Variants in GOLGA4 observed in about 807,000 individuals in gnomAD.
GOLGA4 encodes the protein golgin A4.
Under a neutral mutation model 265.9 loss-of-function variants are expected in GOLGA4, and 169 were observed. That is an observed-to-expected ratio of 0.64 (90% confidence interval 0.56 to 0.72). GOLGA4 has a LOEUF of 0.72. Among genes scored for constraint, GOLGA4 ranks in the 30% least tolerant of loss-of-function variants. GOLGA4 has a pLI of 0.00. For synonymous variants in GOLGA4, 923 were observed against 855.8 expected, an observed-to-expected ratio of 1.08 and a Z score of -1.37; for missense variants, 2,482 against 2,483.4, an observed-to-expected ratio of 1.00 and a Z score of 0.01.
rs1559443660 is a variant in GOLGA4, at chr3:37,329,098, GTACC to G, written c.6192+7_6192+10del. ...AGATATGAAGAAATCCTTGATGTTT[GTACC>G]TTATTTCTTCTCTCTCACTTTTGAA... On this transcript the variant is annotated splice_donor_region_variant and intron_variant, in intron 16 of 23. Coordinates refer to ENST00000361924, the MANE Select transcript of GOLGA4 (RefSeq NM_002078.5). 4 of 1,589,546 alleles carry G rather than the reference GTACC, an allele frequency of 2.5e-6. No individual in the cohort carries two copies. Among genetic ancestry groups the G allele is most frequent in the Non-Finnish European group, 3.4e-6 (4 of 1,170,100 alleles).
intron 10 of GOLGA4, among the ~76,000 whole-genome samples, chr3:37,305,447 TAAACA>T (rs2096903589): frequency 6.6e-6 from 1 of 152,214 alleles, no homozygotes; most frequent in Non-Finnish European, 1.5e-5. Context: ...TAGTTGAGTC[TAAACA>T]GAACTGTTCA....
At chr3:37,321,065 A>C (rs2096953583) in intron 12 of GOLGA4, among the ~76,000 whole-genome samples, 1 of 152,210 alleles carries the variant, frequency 6.6e-6, no homozygotes, top group Non-Finnish European at 1.5e-5. Flanking sequence ...GGATAAGTAC[A>C]CTTGTCTTAA....
At chr3:37,252,682 G>C (rs1210734342) in intron 2 of GOLGA4, among the ~76,000 whole-genome samples, 1 of 152,056 alleles carries the variant, frequency 6.6e-6, no homozygotes, top group Non-Finnish European at 1.5e-5. Flanking sequence ...CAGCTGTTCT[G>C]GTGGTGGTCT....
In GOLGA4 at chr3:37,299,037, G is replaced by GT; in HGVS notation, c.1002+21dup. The GT allele has an allele frequency of 6.4e-7, 1 of 1,562,354 alleles. No homozygotes were observed. Among genetic ancestry groups the GT allele is most frequent in the Non-Finnish European group, 8.7e-7 (1 of 1,155,412 alleles). ...AAGATAAAGGTAAAAGAGCAGATGA[G>GT]TTTTGTTCTAATTTAATCTATAAAG... On this transcript the variant is annotated intron_variant, in intron 8 of 23. Transcript: ENST00000361924.
At chr3:37,328,297 CTCT>C in intron 14 of GOLGA4, 116 bp from the exon 15 acceptor site, 1 of 889,732 alleles carries the variant, frequency 1.1e-6, no homozygotes, top group Non-Finnish European at 1.8e-6. Flanking sequence ...CTCTCTCTCT[CTCT>C]CAAAAATGTT....
intron 9 of GOLGA4, among the ~76,000 whole-genome samples, 177 bp from the exon 10 acceptor site, chr3:37,302,008 C>T (rs181506133): frequency 6.6e-6 from 1 of 152,132 alleles, no homozygotes; most frequent in African/African-American, 2.4e-5. Flanking sequence ...AGGCTGGTCT[C>T]GAACTCCTGA....
Position 37,345,796 on chromosome 3 carries a change from A to G in GOLGA4, c.6473-1397A>G, listed in dbSNP as rs192067919. 2.6e-3 allele frequency among the ~76,000 whole-genome samples: 402 copies of G among 152,188 alleles called. 1 individual carries two copies. Among genetic ancestry groups the G allele is most frequent in the Middle Eastern group, 0.01 (3 of 294 alleles). The stretch of plus-strand genomic sequence containing the variant: ...ACCCTGTCTCTACTAAAAATACAAA[A>G]ATTAGCCAGGCATGGTGGTGCACAC... On this transcript the variant is annotated intron_variant, in intron 20 of 23. Transcript: ENST00000361924.
intron 21 of GOLGA4, among the ~76,000 whole-genome samples, chr3:37,353,889 G>A (rs970907964): frequency 4.6e-5 from 7 of 151,862 alleles, no homozygotes; most frequent in Non-Finnish European, 8.8e-5. Flanking sequence ...CACCATGCCC[G>A]ACTGAACTTT....
chr3:37,349,971 T>C (rs1349378013), intron 21 of GOLGA4, among the ~76,000 whole-genome samples: 3 of 152,148 alleles, frequency 2.0e-5, no homozygotes, highest in African/African-American at 4.8e-5. Flanking sequence ...CTTCTGTCCG[T>C]ATACTTTCTT....
intron 1 of GOLGA4, among the ~76,000 whole-genome samples, chr3:37,246,118 A>G (rs954971940): frequency 6.6e-6 from 1 of 151,898 alleles, no homozygotes; most frequent in Non-Finnish European, 1.5e-5. Context: ...TGGGAGGCCA[A>G]GGCGGGCGGA....
At chr3:37,251,569 T>C in intron 2 of GOLGA4, 85 bp downstream of exon 2, 1 of 811,872 alleles carries the variant, frequency 1.2e-6, no homozygotes, top group South Asian at 1.5e-5. Flanking sequence ...TGGGAAACTT[T>C]TGACAGGTCA....
Position 37,282,818 on chromosome 3 carries a change from A to G in GOLGA4, c.477+546A>G, listed in dbSNP as rs1323340359. ...GAGAATGACACTCCCTGTTTGGTCT[A>G]AGGGAGGAAGGAAGTCAATGCTAGT... On this transcript the variant is annotated intron_variant, in intron 3 of 23. Transcript: ENST00000361924. Among the ~76,000 whole-genome samples the G allele has an allele frequency of 2.0e-5, 3 of 152,226 alleles. No homozygotes were observed. In the East Asian group the frequency reaches 5.8e-4, roughly 29 times the overall value.
chr3:37,321,546 C>A, intron 12 of GOLGA4, 185 bp from the exon 13 acceptor site: 1 of 541,164 alleles, frequency 1.8e-6, no homozygotes, highest in Non-Finnish European at 3.3e-6. Flanking sequence ...GTGGCAATTA[C>A]CCCACTGGAA....
chr3:37,304,597 A>T (rs1180474447), intron 10 of GOLGA4, among the ~76,000 whole-genome samples: 2 of 152,190 alleles, frequency 1.3e-5, no homozygotes, highest in Admixed American at 1.3e-4. Flanking sequence ...TGACTGTTGT[A>T]GCCAGTAGAG....
intron 22 of GOLGA4, among the ~76,000 whole-genome samples, chr3:37,356,005 G>A (rs1450285578): frequency 6.6e-6 from 1 of 152,044 alleles, no homozygotes; most frequent in Non-Finnish European, 1.5e-5. Context: ...TTAATGGTGG[G>A]TTAGCGTGTG....
At chr3:37,364,243 CT>C (rs550046640) in intron 23 of GOLGA4, among the ~76,000 whole-genome samples, 11 of 151,816 alleles carry the variant, frequency 7.2e-5, no homozygotes, top group South Asian at 4.2e-4. Context: ...TTTTCCTTTT[CT>C]TTTTTTTATA....
intron 2 of GOLGA4, among the ~76,000 whole-genome samples, chr3:37,255,693 C>T (rs2096746560): frequency 1.3e-5 from 2 of 151,952 alleles, no homozygotes; most frequent in South Asian, 2.1e-4. Context: ...TCTACTGTTG[C>T]GGTGGACAAA....
At chr3:37,257,048 G>A (rs2096750815) in intron 2 of GOLGA4, among the ~76,000 whole-genome samples, 1 of 151,944 alleles carries the variant, frequency 6.6e-6, no homozygotes, top group South Asian at 2.1e-4. Flanking sequence ...ACCCCAAAAT[G>A]AAACCCCATG....
intron 2 of GOLGA4, chr3:37,273,600 AG>A (rs2096804917): frequency 6.9e-7 from 1 of 1,453,486 alleles, no homozygotes; most frequent in Non-Finnish European, 9.3e-7. Flanking sequence ...AGCATTCCTC[AG>A]GTCTGTTACT....
Sources: gnomAD v4.1 joint callset for allele counts (sites outside exome capture counted in the v4.1 genomes callset) on GRCh38, gnomAD v4.1.1 for gene constraint, MANE v1.5 for transcripts, NCBI Gene and HGNC (gene_info 2026-07-23, HGNC 2026-07-21) for gene names.